TMEM131: variants seen among roughly 807,000 people sequenced by gnomAD.
The protein encoded by TMEM131 is transmembrane protein 131, also known as 2610524E03Rik.
In TMEM131, 66 loss-of-function variants were observed where a neutral mutation model predicts 211.6. That is an observed-to-expected ratio of 0.31 (90% CI 0.26 to 0.38). The LOEUF is 0.38. Among genes scored for constraint, TMEM131 ranks in the 10% least tolerant of loss-of-function variants. The pLI is 1.00. For missense variants in TMEM131, 2,036 were observed against 2,299.3 expected, an observed-to-expected ratio of 0.89 and a Z score of 2.34; for synonymous variants, 844 against 841.3, an observed-to-expected ratio of 1.00 and a Z score of -0.06.
chr2:97,821,001 A>G (rs1050673372), intron 11 of TMEM131, among the ~76,000 whole-genome samples: 2 of 152,164 alleles, frequency 1.3e-5, no homozygotes, highest in African/African-American at 4.8e-5. Flanking sequence ...GTTACAGGTG[A>G]TCACATGAAG....
chr2:97,978,445 A>T (rs1173180372), intron 1 of TMEM131, among the ~76,000 whole-genome samples: 2 of 152,170 alleles, frequency 1.3e-5, no homozygotes, highest in Non-Finnish European at 2.9e-5. Flanking sequence ...TCTGTTGCCC[A>T]GGCTGGAGTG....
Position 97,815,190 on chromosome 2 carries a change from G to A in TMEM131, c.1292+9C>T. On this transcript the variant is annotated intron_variant, in intron 13 of 40. Coordinates refer to ENST00000186436, the MANE Select transcript of TMEM131 (RefSeq NM_015348.2). ...AAAGTAATAGAATTTATTTTAAAAAGAAACTCACCCATCTAAAACTTCTGC... is the reference window on the plus strand; with the variant it reads ...AAAGTAATAGAATTTATTTTAAAAAAAAACTCACCCATCTAAAACTTCTGC... 7.0e-7 allele frequency: 1 copy of A among 1,431,256 alleles called. No individual in the cohort carries two copies. The highest frequency in any genetic ancestry group is 9.4e-7 in the Non-Finnish European group (1 of 1,066,270). 88.7% of individuals were successfully genotyped at this position (1,431,256 alleles called of 1,614,324 possible).
intron 11 of TMEM131, among the ~76,000 whole-genome samples, chr2:97,824,375 G>C (rs915378057): frequency 6.6e-6 from 1 of 152,200 alleles, no homozygotes; most frequent in Non-Finnish European, 1.5e-5. Context: ...CTGGACACTG[G>C]TGCAGCCTTC....
chr2:97,822,082 T>A (rs984417692), intron 11 of TMEM131, among the ~76,000 whole-genome samples: 4 of 152,164 alleles, frequency 2.6e-5, no homozygotes, highest in Non-Finnish European at 5.9e-5. Flanking sequence ...TCAGACAAAC[T>A]TCCTCTTGCC....
At chr2:97,862,459 G>A (rs1020950495) in intron 4 of TMEM131, among the ~76,000 whole-genome samples, 1 of 152,002 alleles carries the variant, frequency 6.6e-6, no homozygotes, top group Non-Finnish European at 1.5e-5. Flanking sequence ...TGGCTGTTTT[G>A]AGGAAATTCA....
chr2:97,942,976 G>GAAAGA lies in TMEM131; in HGVS notation c.188-15494_188-15490dup, dbSNP rs1553617749. Among the ~76,000 whole-genome samples, 242 of 99,260 alleles carry GAAAGA rather than the reference G, an allele frequency of 2.4e-3. 6 individuals carry two copies. Among genetic ancestry groups the GAAAGA allele is most frequent in the African/African-American group, 8.8e-3 (217 of 24,668 alleles). 65.1% of individuals were successfully genotyped at this position (99,260 alleles called of 152,430 possible). A position where few individuals can be genotyped will look rare whatever the true frequency, so the allele number is the denominator to read the frequency against. On this transcript the variant is annotated intron_variant, in intron 1 of 40. Coordinates refer to ENST00000186436, the MANE Select transcript of TMEM131 (RefSeq NM_015348.2). ...ATGGCTACAAAAAAAAAGAAAGAAA[G>GAAAGA]AAAGAAAGAAAAGAAAGAAAAGAAA...
chr2:97,975,184 C>T (rs1234262636), intron 1 of TMEM131, among the ~76,000 whole-genome samples: 2 of 151,534 alleles, frequency 1.3e-5, no homozygotes, highest in African/African-American at 4.9e-5. Flanking sequence ...AATCAAAAAC[C>T]TCAGTATCCA....
At chr2:97,924,301 T>C (rs1043695376) in intron 2 of TMEM131, among the ~76,000 whole-genome samples, 2 of 152,166 alleles carry the variant, frequency 1.3e-5, no homozygotes, top group African/African-American at 2.4e-5. Context: ...GAGGTTCACT[T>C]GGGCCCGGGA....
Position 97,762,093 on chromosome 2 carries a change from G to A in TMEM131, c.4831C>T (p.Pro1611Ser). ...CTGCCCCGGGCCACAAAGGGGCAGG[G>A]GGCAGCTGGGGGAGACGGGGAAGCA... ...TPASPSPPAAPCPFVARGSYS... is the reference protein window; with the variant it reads ...TPASPSPPAASCPFVARGSYS... The change falls in exon 36 of 41, where the codon CCC becomes TCC. Residue 1611 changes from proline (P) to serine (S), a missense_variant. Pro to Ser is a moderately conservative substitution (Grantham distance 74). This residue lies in a region of TMEM131 where 1,623 missense variants were observed against 1,805.9 expected (regional missense o/e 0.90). Coordinates refer to ENST00000186436, the MANE Select transcript of TMEM131 (RefSeq NM_015348.2). The A allele has an allele frequency of 6.2e-7, 1 of 1,611,570 alleles. No individual in the cohort carries two copies. Among genetic ancestry groups the A allele is most frequent in the Non-Finnish European group, 8.5e-7 (1 of 1,178,794 alleles).
intron 2 of TMEM131, among the ~76,000 whole-genome samples, chr2:97,926,402 T>G (rs544349984): frequency 4.2e-4 from 64 of 152,296 alleles, no homozygotes; most frequent in African/African-American, 1.5e-3. Flanking sequence ...GATAACATTA[T>G]GTCAAAATAA....
rs1679504382 is a variant in TMEM131, at chr2:97,772,294, C to T, written c.4448+3G>A. 1.3e-6 allele frequency: 2 copies of T among 1,599,518 alleles called. No individual in the cohort carries two copies. Among genetic ancestry groups the T allele is most frequent in the East Asian group, 2.2e-5 (1 of 44,728 alleles). On this transcript the variant is annotated splice_donor_region_variant and intron_variant, in intron 33 of 40. Transcript: ENST00000186436. Reference sequence around the variant, plus strand: ...TATTTCTCTGTACACTTATTTCTCTCACCTGGGTTTCACATCTGTTGGGAT... The same window carrying T: ...TATTTCTCTGTACACTTATTTCTCTTACCTGGGTTTCACATCTGTTGGGAT...
intron 31 of TMEM131, among the ~76,000 whole-genome samples, chr2:97,790,486 T>C (rs530244944): frequency 8.2e-4 from 125 of 152,282 alleles, no homozygotes; most frequent in Non-Finnish European, 1.5e-3. Flanking sequence ...TCTTAGTAGG[T>C]TGACTCTAGG....
chr2:97,811,649 T>A (rs1428258381), intron 17 of TMEM131, among the ~76,000 whole-genome samples: 1 of 152,228 alleles, frequency 6.6e-6, no homozygotes, highest in Non-Finnish European at 1.5e-5. Flanking sequence ...AATATTCATA[T>A]CTTCAGGGCA....
At chr2:97,838,192 GCTTTC>G (rs1683019557) in intron 7 of TMEM131, among the ~76,000 whole-genome samples, 1 of 152,124 alleles carries the variant, frequency 6.6e-6, no homozygotes, top group African/African-American at 2.4e-5. Context: ...GTGGTCATCT[GCTTTC>G]CTTTCTTTTG....
intron 4 of TMEM131, among the ~76,000 whole-genome samples, chr2:97,877,198 T>A (rs1006812387): frequency 9.2e-5 from 14 of 151,922 alleles, no homozygotes; most frequent in Non-Finnish European, 1.8e-4. Flanking sequence ...CTCAAGGAAA[T>A]TAAGAGAGGA....
intron 1 of TMEM131, among the ~76,000 whole-genome samples, chr2:97,966,244 T>TA (rs1679051873): frequency 6.6e-6 from 1 of 151,986 alleles, no homozygotes; most frequent in East Asian, 1.9e-4. Flanking sequence ...TAGCAGTAGT[T>TA]AAACCAGCAA....
At chr2:97,798,727 G>A (rs1680886704) in intron 25 of TMEM131, among the ~76,000 whole-genome samples, 1 of 152,232 alleles carries the variant, frequency 6.6e-6, no homozygotes, top group Non-Finnish European at 1.5e-5. Context: ...TGAAAAAAAT[G>A]TATGCGTGCG....
intron 35 of TMEM131, chr2:97,764,231 C>G (rs951485681): frequency 6.6e-6 from 1 of 152,374 alleles, no homozygotes; most frequent in Middle Eastern, 3.4e-3. Context: ...CCCCAAGGAA[C>G]TGCACTAAGC....
chr2:97,953,444 AC>A (rs1559471553), intron 1 of TMEM131, among the ~76,000 whole-genome samples: 6 of 152,244 alleles, frequency 3.9e-5, no homozygotes, highest in Non-Finnish European at 7.3e-5. Context: ...AGAGACAAAG[AC>A]ATTACATAAC....
Sources: allele counts gnomAD v4.1 joint callset (sites outside exome capture counted in the v4.1 genomes callset), GRCh38; gene constraint gnomAD v4.1.1; regional missense constraint gnomAD v4.1.1; transcripts MANE v1.5; gene names NCBI Gene and HGNC (gene_info 2026-07-23, HGNC 2026-07-21).